PCDH7: variants seen among roughly 807,000 people sequenced by gnomAD.
PCDH7 encodes the protein protocadherin-7.
A neutral mutation model predicts 58.9 loss-of-function variants in PCDH7; 17 were observed. The observed-to-expected ratio is 0.29, with a 90% CI of 0.20 to 0.43. The LOEUF (loss-of-function observed/expected upper bound fraction) is 0.43. Ranked by LOEUF, PCDH7 falls within the 20% of genes least tolerant of loss-of-function variation. The pLI, the probability that PCDH7 is intolerant of heterozygous loss-of-function variation, is 1.00. For synonymous variants in PCDH7, 664 were observed against 616.4 expected, an observed-to-expected ratio of 1.08 and a Z score of -1.14; for missense variants, 1,274 against 1,441.0, an observed-to-expected ratio of 0.88 and a Z score of 1.88.
chr4:30,787,034 A>G (rs1318961626), intron 1 of PCDH7, among the ~76,000 whole-genome samples: 1 of 152,062 alleles, frequency 6.6e-6, no homozygotes, highest in Non-Finnish European at 1.5e-5. Context: ...TAAAGGAGGG[A>G]TGTGAGAGAG....
chr4:30,974,146 TTC>T (rs979471641), intron 3 of PCDH7, among the ~76,000 whole-genome samples: 4 of 101,682 alleles, frequency 3.9e-5, no homozygotes, highest in Admixed American at 9.5e-5. Flanking sequence ...GGTGTTGCAG[TTC>T]TTTCTTTCTT....
downstream of PCDH7, among the ~76,000 whole-genome samples, chr4:30,734,079 C>A (rs940324154): frequency 1.4e-5 from 2 of 144,216 alleles, no homozygotes; most frequent in South Asian, 4.4e-4. Context: ...TAAAAAAAAA[C>A]ACACAAAAAA....
intron 3 of PCDH7, among the ~76,000 whole-genome samples, chr4:31,016,442 C>T (rs1194050048): frequency 7.4e-6 from 1 of 134,792 alleles, no homozygotes; most frequent in Non-Finnish European, 1.6e-5. Flanking sequence ...TTTTATTAGA[C>T]AGGAGAGGGG....
intron 3 of PCDH7, among the ~76,000 whole-genome samples, chr4:30,979,558 T>G (rs1486136612): frequency 6.6e-6 from 1 of 151,930 alleles, no homozygotes; most frequent in Non-Finnish European, 1.5e-5. Flanking sequence ...GAACGTATTT[T>G]CTTCCATGTC....
In PCDH7 at chr4:31,082,594, A is replaced by T. The variant is rs187137079; in HGVS notation, c.*8-59879A>T. Among the ~76,000 whole-genome samples the T allele has an allele frequency of 5.7e-3, 869 of 152,328 alleles. 6 individuals are homozygous for T. The highest frequency in any genetic ancestry group is 8.4e-3 in the Non-Finnish European group (573 of 68,028). On this transcript the variant is annotated intron_variant, in intron 3 of 3. Coordinates refer to the PCDH7 transcript ENST00000509759. ...CAAATCATGACATTATCAGAAGTTG[A>T]TTTTACAGGAATGAAATAATGTCTT... is the stretch of plus-strand genomic sequence containing the variant.
intron 3 of PCDH7, among the ~76,000 whole-genome samples, chr4:31,000,384 G>A (rs115959353): frequency 3.0e-3 from 450 of 152,214 alleles, no homozygotes; most frequent in African/African-American, 6.8e-3. Context: ...ATATCTGAAC[G>A]TATTGGCCTT....
chr4:30,826,751 G>C (rs1053270716), intron 1 of PCDH7, among the ~76,000 whole-genome samples: 2 of 151,796 alleles, frequency 1.3e-5, no homozygotes, highest in African/African-American at 4.8e-5. Context: ...TTTGAGACAG[G>C]GTCTCGTTTT....
intron 3 of PCDH7, among the ~76,000 whole-genome samples, chr4:30,964,145 G>C (rs1039096004): frequency 2.0e-5 from 3 of 152,122 alleles, no homozygotes; most frequent in East Asian, 3.9e-4. Flanking sequence ...CATTTTCTTT[G>C]GGAAATGTCT....
chr4:30,890,827 G>C (rs1002119432), intron 1 of PCDH7, among the ~76,000 whole-genome samples: 1 of 152,046 alleles, frequency 6.6e-6, no homozygotes, highest in Non-Finnish European at 1.5e-5. Context: ...AATTATATCA[G>C]TAATGATTTC....
chr4:30,998,565 A>ATT (rs60166004), intron 3 of PCDH7, among the ~76,000 whole-genome samples: 117 of 152,206 alleles, frequency 7.7e-4, no homozygotes, highest in African/African-American at 2.7e-3. Context: ...AAAAATGCCA[A>ATT]TTTTTATGGG....
At chr4:31,008,616 A>C (rs1000587684) in intron 3 of PCDH7, among the ~76,000 whole-genome samples, 8 of 152,210 alleles carry the variant, frequency 5.3e-5, no homozygotes, top group African/African-American at 1.9e-4. Context: ...CTCTTAAAAA[A>C]AATAGCAGCT....
intron 3 of PCDH7, among the ~76,000 whole-genome samples, chr4:31,009,131 A>G (rs1450916843): frequency 6.6e-6 from 1 of 152,168 alleles, no homozygotes; most frequent in Non-Finnish European, 1.5e-5. Flanking sequence ...CGTAATTAAA[A>G]TGTAAAATAA....
chr4:31,064,927 A>G (rs1414510396), intron 3 of PCDH7, among the ~76,000 whole-genome samples: 3 of 152,118 alleles, frequency 2.0e-5, no homozygotes, highest in South Asian at 2.1e-4. Context: ...AGCTTATTTC[A>G]TCTAACATAT....
At chr4:31,008,012 A>C (rs1752909659) in intron 3 of PCDH7, among the ~76,000 whole-genome samples, 1 of 152,144 alleles carries the variant, frequency 6.6e-6, no homozygotes, top group South Asian at 2.1e-4. Flanking sequence ...AGGAGTTGCA[A>C]GAAGGGAGGG....
chr4:31,072,774 T>G (rs1199882560), intron 3 of PCDH7, among the ~76,000 whole-genome samples: 1 of 152,188 alleles, frequency 6.6e-6, no homozygotes, highest in Non-Finnish European at 1.5e-5. Flanking sequence ...ACTCATTCAT[T>G]GAGTTCATGG....
At chr4:30,793,422 A>G (rs1175208737) in intron 1 of PCDH7, among the ~76,000 whole-genome samples, 3 of 152,206 alleles carry the variant, frequency 2.0e-5, no homozygotes, top group African/African-American at 4.8e-5. Context: ...GTAATACAAC[A>G]GTCTATTTCA....
chr4:30,790,974 A>G (rs1049394639), intron 1 of PCDH7, among the ~76,000 whole-genome samples: 6 of 152,068 alleles, frequency 3.9e-5, no homozygotes, highest in Admixed American at 3.3e-4. Flanking sequence ...AAATAAATAC[A>G]TGCTGTAGAC....
chr4:31,092,918 C>T (rs1713444209), intron 3 of PCDH7, among the ~76,000 whole-genome samples: 1 of 152,040 alleles, frequency 6.6e-6, no homozygotes. Context: ...AGTTCTAGTA[C>T]ACAATTTTGT....
chr4:30,955,151 C>A (rs1250467353), intron 3 of PCDH7, among the ~76,000 whole-genome samples: 1 of 151,792 alleles, frequency 6.6e-6, no homozygotes, highest in African/African-American at 2.4e-5. Flanking sequence ...ACAGATGATT[C>A]TTGTGCTTAA....
Sources: allele counts gnomAD v4.1 joint callset (sites outside exome capture counted in the v4.1 genomes callset), GRCh38; gene constraint gnomAD v4.1.1; transcripts MANE v1.5; gene names NCBI Gene and HGNC (gene_info 2026-07-23, HGNC 2026-07-21).